Variants in CAP2 observed in about 807,000 individuals in gnomAD.
The protein encoded by CAP2 is adenylyl cyclase-associated protein 2.
CAP2 carries 24 observed loss-of-function variants against 57.7 expected under a neutral mutation model. The observed-to-expected ratio is 0.42, with a 90% CI of 0.30 to 0.58. CAP2 has a LOEUF of 0.58. Ranked by LOEUF, CAP2 falls within the 20% of genes least tolerant of loss-of-function variation. The pLI is 0.22. For missense variants in CAP2, 501 were observed against 590.3 expected (o/e 0.85, Z 1.57); for synonymous variants, 194 against 207.2 (o/e 0.94, Z 0.55).
chr6:17,428,604 TCA>T, intron 3 of CAP2, among the ~76,000 whole-genome samples: 1 of 123,576 alleles, frequency 8.1e-6, no homozygotes, highest in African/African-American at 3.1e-5. Flanking sequence ...AAGGGGAATA[TCA>T]CACTCTGGGG....
intron 3 of CAP2, among the ~76,000 whole-genome samples, chr6:17,461,621 G>GA (rs1297885589): frequency 6.6e-6 from 1 of 151,856 alleles, no homozygotes; most frequent in Admixed American, 6.6e-5. Flanking sequence ...TTAAAAACTA[G>GA]AAAAAAATGC....
rs1270481203 is a variant in CAP2 at position 17,513,446 on chromosome 6, A to G, written c.531-403A>G. Among the ~76,000 whole-genome samples, 1 of 152,056 alleles carries G rather than the reference A, an allele frequency of 6.6e-6. No homozygotes were observed. Among genetic ancestry groups the G allele is most frequent in the African/African-American group, 2.4e-5 (1 of 41,396 alleles). ...TGACTTTTTTTTTCTTTTTAATACC[A>G]TTCTCATTCCTGGGAGTATATTGTC... On this transcript the variant is annotated intron_variant, in intron 6 of 12. Coordinates refer to ENST00000229922, the MANE Select transcript of CAP2 (RefSeq NM_006366.3). This position sits in a 1 kb window ranked among gnomAD's most constrained non-coding sequence, Gnocchi z 4.3.
chr6:17,459,217 G>A (rs1760660527), intron 3 of CAP2, among the ~76,000 whole-genome samples: 1 of 152,192 alleles, frequency 6.6e-6, no homozygotes, highest in African/African-American at 2.4e-5. Flanking sequence ...GTGAATCCTG[G>A]TTTGGGGCAT....
intron 11 of CAP2, among the ~76,000 whole-genome samples, chr6:17,549,929 C>T (rs1763131828): frequency 1.3e-5 from 2 of 152,160 alleles, no homozygotes; most frequent in South Asian, 2.1e-4. Flanking sequence ...AGCCCCAGCA[C>T]GTGTGCCAAG....
intron 11 of CAP2, among the ~76,000 whole-genome samples, chr6:17,545,797 G>GT (rs1763030755): frequency 6.6e-6 from 1 of 152,226 alleles, no homozygotes; most frequent in Non-Finnish European, 1.5e-5. Context: ...GCGGTGTTTG[G>GT]TTTTTTGTCC....
intron 1 of CAP2, among the ~76,000 whole-genome samples, chr6:17,406,412 T>TTTTTTTTTC (rs1197104013): frequency 3.0e-5 from 4 of 135,196 alleles, no homozygotes; most frequent in African/African-American, 1.5e-4. Context: ...TTTTTTTTTT[T>TTTTTTTTTC]TGAGGCAGTC....
chr6:17,529,069 T>A lies in CAP2; in HGVS notation c.637-10200T>A, dbSNP rs185879633. Among the ~76,000 whole-genome samples, 20 of 152,094 alleles carry A rather than the reference T, an allele frequency of 1.3e-4. No homozygotes were observed. The East Asian group carries it at 3.7e-3, about 28-fold the overall frequency. On this transcript the variant is annotated intron_variant, in intron 7 of 12. Coordinates refer to ENST00000229922, the MANE Select transcript of CAP2 (RefSeq NM_006366.3). ...CATCTCTACAAAAAAAAAATTTTTTTAATTCCAATAAATGATAAAAATAAG... is the reference window on the plus strand; with the variant it reads ...CATCTCTACAAAAAAAAAATTTTTTAAATTCCAATAAATGATAAAAATAAG...
At chr6:17,483,390 C>T (rs1761342551) in intron 4 of CAP2, among the ~76,000 whole-genome samples, 1 of 152,044 alleles carries the variant, frequency 6.6e-6, no homozygotes, top group Non-Finnish European at 1.5e-5. Flanking sequence ...ATGAAAATCT[C>T]GGTGACTTCC....
chr6:17,421,348 T>C (rs1444804651), intron 1 of CAP2, among the ~76,000 whole-genome samples: 1 of 152,170 alleles, frequency 6.6e-6, no homozygotes, highest in Non-Finnish European at 1.5e-5. Context: ...AACTTATCCA[T>C]GTAACCAAAA....
At chr6:17,396,466 A>G (rs1441633909) in intron 1 of CAP2, among the ~76,000 whole-genome samples, 4 of 152,228 alleles carry the variant, frequency 2.6e-5, no homozygotes, top group Non-Finnish European at 5.9e-5. Context: ...TTATTTGGCC[A>G]TAAAAAAGAG....
intron 4 of CAP2, among the ~76,000 whole-genome samples, chr6:17,494,891 G>A (rs957439456): frequency 6.6e-6 from 1 of 152,192 alleles, no homozygotes; most frequent in African/African-American, 2.4e-5. Context: ...TTAAGTAAGA[G>A]AGAATTCTTA....
intron 4 of CAP2, among the ~76,000 whole-genome samples, chr6:17,499,894 A>C (rs530793366): frequency 2.0e-5 from 3 of 150,950 alleles, no homozygotes; most frequent in Admixed American, 1.3e-4. Context: ...CAAATATAGT[A>C]TATAAGGAAT....
intron 7 of CAP2, chr6:17,536,222 C>T: frequency 2.2e-6 from 1 of 456,738 alleles, no homozygotes; most frequent in South Asian, 1.5e-5. Flanking sequence ...CTGTCATGTG[C>T]TGTAATCTCC....
At chr6:17,406,948 GAAA>G (rs375496804) in intron 1 of CAP2, among the ~76,000 whole-genome samples, 8 of 151,878 alleles carry the variant, frequency 5.3e-5, no homozygotes, top group Admixed American at 3.3e-4. Context: ...AAAAAAATGA[GAAA>G]AAAACCAGCA....
intron 7 of CAP2, among the ~76,000 whole-genome samples, chr6:17,534,220 A>G (rs6912846): frequency 0.35 from 52,845 of 152,124 alleles, 10,317 homozygotes; most frequent in African/African-American, 0.54. Context: ...AAAACATACT[A>G]TAAAAGAATT....
intron 7 of CAP2, chr6:17,531,518 A>G (rs1457086227): frequency 4.6e-6 from 7 of 1,513,204 alleles, no homozygotes; most frequent in Non-Finnish European, 6.4e-6. Flanking sequence ...CTTTCAAAGC[A>G]TCTTTTGGAC....
intron 1 of CAP2, among the ~76,000 whole-genome samples, chr6:17,407,558 CTT>C (rs1192611953): frequency 6.6e-6 from 1 of 151,696 alleles, no homozygotes; most frequent in Non-Finnish European, 1.5e-5. Flanking sequence ...AGGTGGATCA[CTT>C]GAGGTCAGGA....
At chr6:17,445,686 G>T (rs1484791533) in intron 3 of CAP2, among the ~76,000 whole-genome samples, 1 of 152,148 alleles carries the variant, frequency 6.6e-6, no homozygotes, top group Non-Finnish European at 1.5e-5. Flanking sequence ...GAAAAATTCA[G>T]TTGATTATCT....
chr6:17,471,393 G>A (rs558719917), intron 4 of CAP2, among the ~76,000 whole-genome samples: 5 of 152,272 alleles, frequency 3.3e-5, no homozygotes, highest in Admixed American at 1.3e-4. Flanking sequence ...ATGAAGTTGG[G>A]TTTTTCTTAA....
Sources: allele counts gnomAD v4.1 joint callset (sites outside exome capture counted in the v4.1 genomes callset), GRCh38; gene constraint gnomAD v4.1.1; non-coding constraint Gnocchi (gnomAD v3.1); transcripts MANE v1.5; gene names NCBI Gene and HGNC (gene_info 2026-07-23, HGNC 2026-07-21).